Variants in WDR27 observed in about 807,000 individuals in gnomAD.
WDR27 encodes WD repeat domain 27, also known as WD repeat-containing protein 27.
A neutral mutation model predicts 114.4 loss-of-function variants in WDR27; 100 were observed. The ratio of observed to expected loss-of-function variants is 0.87; its 90% CI spans 0.74 to 1.03. The LOEUF is 1.03. Among genes scored for constraint, WDR27 ranks in the 50% least tolerant of loss-of-function variants. The pLI is 0.00. For synonymous variants in WDR27, 449 were observed against 423.1 expected (o/e 1.06, Z -0.75); for missense variants, 1,129 against 1,092.9 (o/e 1.03, Z -0.47).
chr6:169,631,740 T>C (rs1816453605), intron 21 of WDR27, among the ~76,000 whole-genome samples: 1 of 152,112 alleles, frequency 6.6e-6, no homozygotes, highest in South Asian at 2.1e-4. Context: ...GACACCTCCA[T>C]CTCCCCTTTA....
chr6:169,491,908 AGAT>A (rs748141975), intron 25 of WDR27, among the ~76,000 whole-genome samples: 81 of 152,216 alleles, frequency 5.3e-4, no homozygotes, highest in Non-Finnish European at 9.6e-4. Context: ...AAGTAGGAAG[AGAT>A]AAGCTGAGAA....
intron 1 of WDR27, among the ~76,000 whole-genome samples, chr6:169,699,441 G>C (rs962429851): frequency 2.0e-5 from 3 of 152,134 alleles, no homozygotes; most frequent in African/African-American, 7.2e-5. Context: ...AACGACAATG[G>C]CATCACCAGC....
chr6:169,427,571 T>G, the WDR27 span, among the ~76,000 whole-genome samples: 2 of 152,144 alleles, frequency 1.3e-5, no homozygotes, highest in Non-Finnish European at 2.9e-5. Context: ...GGTGAACTCC[T>G]GGGTCTCTGG....
At position 169,649,185 on chromosome 6, in the gene WDR27, C is replaced by CCACCG; in HGVS notation, c.1559+12_1559+13insCGGTG. 6.4e-7 allele frequency: 1 copy of CCACCG among 1,560,716 alleles called. No individual in the cohort carries two copies. Among genetic ancestry groups the CCACCG allele is most frequent in the Non-Finnish European group, 8.7e-7 (1 of 1,151,236 alleles). The stretch of plus-strand genomic sequence containing the variant: ...ATTTCAAATGTACTTGGAATGCACG[C>CCACCG]TACATCACACACCGTGCGCAGCTGC... On this transcript the variant is annotated intron_variant, in intron 15 of 25. Coordinates refer to ENST00000448612, the MANE Select transcript of WDR27 (RefSeq NM_182552.5).
chr6:169,680,438 G>A lies in WDR27; in HGVS notation c.190-8042C>T, dbSNP rs1338608014. ...TCTACTAAAAATACAAAAAATTAGCGGGGCTTGGTGATGGCCGCCTGTAGT... is the reference window on the plus strand; with the variant it reads ...TCTACTAAAAATACAAAAAATTAGCAGGGCTTGGTGATGGCCGCCTGTAGT... On this transcript the variant is annotated intron_variant, in intron 2 of 25. Transcript: ENST00000448612. Among the ~76,000 whole-genome samples, 11 of 152,076 alleles carry A rather than the reference G, an allele frequency of 7.2e-5. 1 individual carries two copies. Among genetic ancestry groups the A allele is most frequent in the Admixed American group, 2.0e-4 (3 of 15,268 alleles).
intron 25 of WDR27, among the ~76,000 whole-genome samples, chr6:169,527,828 A>G (rs1795122794): frequency 6.6e-6 from 1 of 152,202 alleles, no homozygotes; most frequent in African/African-American, 2.4e-5. Flanking sequence ...ACGTCAGCTA[A>G]GTAAAAGATT....
chr6:169,649,803 C>T lies in WDR27; in HGVS notation c.1482-528G>A, dbSNP rs906679386. Among the ~76,000 whole-genome samples, 11 of 149,550 alleles carry T rather than the reference C, an allele frequency of 7.4e-5. No individual in the cohort carries two copies. The South Asian group carries it at 1.3e-3, about 18-fold the overall frequency. ...ACGCACACATCCATCTCTCATCTCT[C>T]GCCATCCATCCCTCACACATCCATC... On this transcript the variant is annotated intron_variant, in intron 14 of 25. Transcript: ENST00000448612.
chr6:169,465,968 T>C (rs922505557), intron 25 of WDR27, among the ~76,000 whole-genome samples: 7 of 152,178 alleles, frequency 4.6e-5, no homozygotes, highest in Non-Finnish European at 1.0e-4. Context: ...ATGTGATGAA[T>C]ATATTTAACA....
intron 25 of WDR27, among the ~76,000 whole-genome samples, chr6:169,545,064 A>G (rs980991428): frequency 4.6e-5 from 7 of 152,226 alleles, no homozygotes; most frequent in Non-Finnish European, 7.3e-5. Context: ...TTATTCTAAT[A>G]TTTATCTGGA....
intron 23 of WDR27, among the ~76,000 whole-genome samples, chr6:169,585,811 C>T (rs1467795622): frequency 6.6e-6 from 1 of 151,858 alleles, no homozygotes; most frequent in Non-Finnish European, 1.5e-5. Flanking sequence ...CAGCGGTGGC[C>T]GAGGCAGAAG....
rs376558971 is a variant in WDR27 at position 169,485,437 on chromosome 6, A to G, written c.2646-27803T>C. On this transcript the variant is annotated intron_variant, in intron 25 of 25. Transcript: ENST00000448612. ...GCTCAGCATCACTTATCATGAGAGA[A>G]ATGCAAATCAAGATCACAATGAGAT... Among the ~76,000 whole-genome samples, 20 of 152,360 alleles carry G rather than the reference A, an allele frequency of 1.3e-4. No individual in the cohort carries two copies. In the South Asian group the frequency reaches 2.5e-3, roughly 19 times the overall value.
At chr6:169,549,753 C>T (rs1467865561) in intron 25 of WDR27, among the ~76,000 whole-genome samples, 2 of 152,120 alleles carry the variant, frequency 1.3e-5, no homozygotes, top group Non-Finnish European at 1.5e-5. Flanking sequence ...ACATGCTATG[C>T]AGAGAAAGAT....
intron 25 of WDR27, among the ~76,000 whole-genome samples, chr6:169,463,730 T>C (rs1305800372): frequency 6.6e-6 from 1 of 152,150 alleles, no homozygotes; most frequent in Admixed American, 6.5e-5. Context: ...CCAGTTGCAT[T>C]TCTATAAACT....
chr6:169,530,298 G>GCA (rs1225868705), intron 25 of WDR27, among the ~76,000 whole-genome samples: 1 of 152,186 alleles, frequency 6.6e-6, no homozygotes, highest in Non-Finnish European at 1.5e-5. Flanking sequence ...TCCATGCACT[G>GCA]CACAAATTGC....
chr6:169,612,441 G>A (rs111994392), intron 22 of WDR27, among the ~76,000 whole-genome samples: 8,756 of 141,062 alleles, frequency 0.062, 718 homozygotes, highest in African/African-American at 0.19. Flanking sequence ...ACAAACAAAC[G>A]AACAAACAAA....
At chr6:169,639,951 G>A (rs1397880231) in intron 17 of WDR27, among the ~76,000 whole-genome samples, 5 of 152,208 alleles carry the variant, frequency 3.3e-5, no homozygotes, top group African/African-American at 4.8e-5. Context: ...AGCCAGCTGT[G>A]TGGCATGGTG....
chr6:169,442,353 A>ATTCC, the WDR27 span, among the ~76,000 whole-genome samples: 1 of 152,244 alleles, frequency 6.6e-6, no homozygotes. Flanking sequence ...ATATTTACAC[A>ATTCC]TGCCTGTTAA....
At chr6:169,627,291 G>A (rs1226302371) in intron 21 of WDR27, among the ~76,000 whole-genome samples, 2 of 152,130 alleles carry the variant, frequency 1.3e-5, no homozygotes, top group African/African-American at 4.8e-5. Flanking sequence ...TCTTAATTAT[G>A]CTACAAATTC....
chr6:169,433,102 CT>C, the WDR27 span, among the ~76,000 whole-genome samples: 1 of 152,120 alleles, frequency 6.6e-6, no homozygotes, highest in East Asian at 1.9e-4. Context: ...CTGTTTTTTA[CT>C]TTAAGTTCTG....
Sources: gnomAD v4.1 joint callset for allele counts (sites outside exome capture counted in the v4.1 genomes callset) on GRCh38, gnomAD v4.1.1 for gene constraint, MANE v1.5 for transcripts, NCBI Gene and HGNC (gene_info 2026-07-23, HGNC 2026-07-21) for gene names.